GRM1: variants seen among roughly 807,000 people sequenced by gnomAD.
The protein encoded by GRM1 is glutamate metabotropic receptor 1.
In GRM1, 33 loss-of-function variants were observed where a neutral mutation model predicts 90.9. The observed-to-expected ratio is 0.36, with a 90% CI of 0.28 to 0.49. The LOEUF is 0.49. GRM1 is among the 20% of genes least tolerant of loss of function. The probability of loss-of-function intolerance (pLI) is 0.99; values close to 1 mark genes in which losing one functional copy is unlikely to be tolerated. For synonymous variants in GRM1, 700 were observed against 613.2 expected (o/e 1.14, Z -2.09); for missense variants, 1,190 against 1,534.3 (o/e 0.78, Z 3.75).
At chr6:146,138,129 C>T (rs1776697020) in intron 1 of GRM1, among the ~76,000 whole-genome samples, 1 of 151,874 alleles carries the variant, frequency 6.6e-6, no homozygotes, top group South Asian at 2.1e-4. Flanking sequence ...TCTTCCTTTT[C>T]AATTTGGATG....
chr6:146,220,919 A>T (rs1780037523), intron 2 of GRM1, among the ~76,000 whole-genome samples: 2 of 152,150 alleles, frequency 1.3e-5, no homozygotes, highest in East Asian at 3.9e-4. Flanking sequence ...GGAAGAAGAA[A>T]TAGCATGTGC....
intron 2 of GRM1, among the ~76,000 whole-genome samples, chr6:146,257,044 C>G (rs1358927341): frequency 6.6e-6 from 1 of 152,128 alleles, no homozygotes; most frequent in East Asian, 1.9e-4. Flanking sequence ...AGAATAGTCT[C>G]TCATCCTTCT....
intron 2 of GRM1, among the ~76,000 whole-genome samples, chr6:146,284,858 A>G (rs1360547354): frequency 6.6e-6 from 1 of 152,222 alleles, no homozygotes; most frequent in Admixed American, 6.5e-5. Flanking sequence ...TAGGAGTGTA[A>G]GAATGAACTA....
intron 3 of GRM1, among the ~76,000 whole-genome samples, chr6:146,337,753 T>C (rs922031446): frequency 6.6e-6 from 1 of 152,198 alleles, no homozygotes; most frequent in Non-Finnish European, 1.5e-5. Flanking sequence ...TTATAACGAC[T>C]TGAAAATACT....
At chr6:146,356,704 C>A (rs1785597168) in intron 4 of GRM1, among the ~76,000 whole-genome samples, 1 of 152,158 alleles carries the variant, frequency 6.6e-6, no homozygotes, top group South Asian at 2.1e-4. Flanking sequence ...GTAGTATAAT[C>A]TACTGTTAAA....
chr6:146,238,019 T>C (rs961881279), intron 2 of GRM1, among the ~76,000 whole-genome samples: 1 of 152,164 alleles, frequency 6.6e-6, no homozygotes, highest in African/African-American at 2.4e-5. Flanking sequence ...TGCTAACTAA[T>C]GGGCACTATG....
chr6:146,030,082 A>G lies in GRM1; in HGVS notation c.565A>G (p.Ser189Gly). 6.2e-7 allele frequency: 1 copy of G among 1,614,196 alleles called. No individual in the cohort carries two copies. Among genetic ancestry groups the G allele is most frequent in the Non-Finnish European group, 8.5e-7 (1 of 1,180,030 alleles). ...DIPQIAYSAT[S>G]IDLSDKTLYK... ...CCCCCAGATCGCTTATTCAGCCACAAGCATCGACCTGAGTGACAAAACTTT... is the reference window on the plus strand; with the variant it reads ...CCCCCAGATCGCTTATTCAGCCACAGGCATCGACCTGAGTGACAAAACTTT... Residue 189 changes from serine (S) to glycine (G), a missense_variant, in exon 1 of 8, where the codon AGC becomes GGC. Physicochemically the swap from Ser to Gly is moderately conservative, Grantham distance 56. Coordinates refer to ENST00000282753, the MANE Select transcript of GRM1 (RefSeq NM_001278064.2).
At chr6:146,385,988 CA>C (rs1776485579) in intron 5 of GRM1, among the ~76,000 whole-genome samples, 1 of 150,788 alleles carries the variant, frequency 6.6e-6, no homozygotes, top group African/African-American at 2.4e-5. Flanking sequence ...AAAAAGAAGG[CA>C]AAAAACAAAG....
intron 7 of GRM1, among the ~76,000 whole-genome samples, chr6:146,414,801 G>A (rs1198662586): frequency 6.6e-6 from 1 of 151,974 alleles, no homozygotes; most frequent in Non-Finnish European, 1.5e-5. Flanking sequence ...ATTTCTTATT[G>A]GTATTTTCTG....
intron 1 of GRM1, among the ~76,000 whole-genome samples, chr6:146,044,147 A>G (rs1791237168): frequency 2.6e-5 from 4 of 151,912 alleles, no homozygotes; most frequent in Admixed American, 2.6e-4. Context: ...TTGACAGGGC[A>G]TATGTGTGGC....
intron 7 of GRM1, among the ~76,000 whole-genome samples, chr6:146,421,311 T>C (rs1777983691): frequency 6.6e-6 from 1 of 152,140 alleles, no homozygotes; most frequent in Non-Finnish European, 1.5e-5. Context: ...ATTTGTTCAA[T>C]TTAGTTTAAG....
chr6:146,421,464 C>A (rs912794358), intron 7 of GRM1, among the ~76,000 whole-genome samples: 21 of 152,060 alleles, frequency 1.4e-4, no homozygotes, highest in African/African-American at 4.3e-4. Flanking sequence ...TATTTACTAA[C>A]ACATATGAAT....
chr6:146,131,255 A>G (rs925224435), intron 1 of GRM1, among the ~76,000 whole-genome samples: 1 of 152,106 alleles, frequency 6.6e-6, no homozygotes, highest in African/African-American at 2.4e-5. Flanking sequence ...GTAATTCTCA[A>G]GTAGAATTTT....
Position 146,397,479 on chromosome 6 carries a change from AAAAAG to A in GRM1, c.1730-1285_1730-1281del, listed in dbSNP as rs1254715620. 4.0e-4 allele frequency among the ~76,000 whole-genome samples: 57 copies of A among 143,264 alleles called. 4 individuals carry two copies. The highest frequency in any genetic ancestry group is 7.7e-4 in the African/African-American group (28 of 36,206). The allele number at this position is 143,264 out of a possible 152,430, so 94.0% of individuals were successfully genotyped here. On this transcript the variant is annotated intron_variant, in intron 6 of 7. Transcript: ENST00000282753. ...ACAGAGTGAGACCCCGTCTCAAAAA[AAAAAG>A]AAAAAAAAAAAAAAAAAAAAAGCAC...
chr6:146,262,096 A>G (rs1781714897), intron 2 of GRM1, among the ~76,000 whole-genome samples: 1 of 151,736 alleles, frequency 6.6e-6, no homozygotes, highest in African/African-American at 2.4e-5. Flanking sequence ...AAAAAAAAAA[A>G]AAGAAGGAAA....
chr6:146,429,559 A>T (rs1385159840), intron 7 of GRM1, among the ~76,000 whole-genome samples: 1 of 152,134 alleles, frequency 6.6e-6, no homozygotes, highest in Non-Finnish European at 1.5e-5. Flanking sequence ...AGGGTACCAG[A>T]GGGCTGACGA....
At chr6:146,319,200 C>A (rs1784082533) in intron 3 of GRM1, among the ~76,000 whole-genome samples, 1 of 150,904 alleles carries the variant, frequency 6.6e-6, no homozygotes, top group Non-Finnish European at 1.5e-5. Context: ...TCCAGTTTTC[C>A]CAACACAATT....
chr6:146,116,434 A>T (rs2128875587), intron 1 of GRM1, among the ~76,000 whole-genome samples: 1 of 152,340 alleles, frequency 6.6e-6, no homozygotes, highest in South Asian at 2.1e-4. Flanking sequence ...AATGATCATT[A>T]TATTTCTAGA....
At chr6:146,097,301 C>G (rs1250028005) in intron 1 of GRM1, among the ~76,000 whole-genome samples, 1 of 151,930 alleles carries the variant, frequency 6.6e-6, no homozygotes, top group Non-Finnish European at 1.5e-5. Flanking sequence ...AATTCATATT[C>G]TGGATAAATT....
Sources: gnomAD v4.1 joint callset for allele counts (sites outside exome capture counted in the v4.1 genomes callset) on GRCh38, gnomAD v4.1.1 for gene constraint, MANE v1.5 for transcripts, NCBI Gene and HGNC (gene_info 2026-07-23, HGNC 2026-07-21) for gene names.